TMTC2: variants seen among roughly 807,000 people sequenced by gnomAD.
TMTC2 encodes the protein transmembrane O-mannosyltransferase targeting cadherins 2.
A neutral mutation model predicts 82.4 loss-of-function variants in TMTC2; 43 were observed. The ratio of observed to expected loss-of-function variants is 0.52; its 90% CI spans 0.41 to 0.67. TMTC2 has a LOEUF of 0.67. TMTC2 is among the 30% of genes least tolerant of loss of function. TMTC2 has a pLI of 0.00. For missense variants in TMTC2, 919 were observed against 1,012.4 expected, an observed-to-expected ratio of 0.91 and a Z score of 1.25; for synonymous variants, 408 against 381.9, an observed-to-expected ratio of 1.07 and a Z score of -0.80.
chr12:82,852,616 G>C (rs562927706), intron 1 of TMTC2, among the ~76,000 whole-genome samples: 2 of 152,204 alleles, frequency 1.3e-5, no homozygotes, highest in South Asian at 4.1e-4. Flanking sequence ...ATGAAATTTT[G>C]TTTTGAGTCA....
At chr12:83,093,761 G>C (rs915756432) in intron 11 of TMTC2, among the ~76,000 whole-genome samples, 6 of 152,160 alleles carry the variant, frequency 3.9e-5, no homozygotes, top group African/African-American at 1.4e-4. Context: ...CAAAGATGAA[G>C]ATGAATTTTT....
chr12:82,967,028 T>C, intron 7 of TMTC2, 31 bp downstream of exon 7: 3 of 1,538,012 alleles, frequency 2.0e-6, no homozygotes, highest in Non-Finnish European at 2.7e-6. Context: ...TTTAAATTGA[T>C]ATTTCAGGGA....
At chr12:82,868,520 C>CTT (rs1359276437) in intron 2 of TMTC2, among the ~76,000 whole-genome samples, 5 of 152,110 alleles carry the variant, frequency 3.3e-5, no homozygotes, top group African/African-American at 1.2e-4. Flanking sequence ...AGCCTGCTTT[C>CTT]TTTTCCCCTT....
intron 11 of TMTC2, among the ~76,000 whole-genome samples, chr12:83,064,145 A>C (rs1565874594): frequency 6.6e-6 from 1 of 151,820 alleles, no homozygotes; most frequent in Admixed American, 6.6e-5. Context: ...ATTTTTGGTC[A>C]AGTGGTTGGT....
intron 4 of TMTC2, 93 bp downstream of exon 4, chr12:82,930,638 A>C: frequency 1.4e-6 from 1 of 711,748 alleles, no homozygotes; most frequent in South Asian, 2.1e-5. Context: ...AGATGATGAT[A>C]GCTATTGTCC....
intron 3 of TMTC2, among the ~76,000 whole-genome samples, chr12:82,911,963 C>T (rs942797405): frequency 6.6e-6 from 1 of 152,162 alleles, no homozygotes; most frequent in Non-Finnish European, 1.5e-5. Context: ...ACAACAAAAA[C>T]ATCATCTTGA....
intron 4 of TMTC2, among the ~76,000 whole-genome samples, chr12:82,933,662 A>G (rs1876163532): frequency 6.6e-6 from 1 of 152,208 alleles, no homozygotes; most frequent in Non-Finnish European, 1.5e-5. Context: ...GAACAAACCT[A>G]GTTGTATTAA....
intron 10 of TMTC2, among the ~76,000 whole-genome samples, chr12:83,053,597 A>G (rs920069800): frequency 4.6e-5 from 7 of 152,034 alleles, no homozygotes; most frequent in African/African-American, 1.7e-4. Context: ...AAGAAGTGAG[A>G]TCCTGAGGCC....
intron 1 of TMTC2, among the ~76,000 whole-genome samples, chr12:82,761,579 A>G (rs1459544536): frequency 6.6e-6 from 1 of 152,206 alleles, no homozygotes; most frequent in Non-Finnish European, 1.5e-5. Context: ...TCTCTTAGCC[A>G]CTGCCTACTA....
At chr12:82,826,318 T>C (rs888680145) in intron 1 of TMTC2, among the ~76,000 whole-genome samples, 3 of 152,160 alleles carry the variant, frequency 2.0e-5, no homozygotes, top group African/African-American at 7.2e-5. Flanking sequence ...CATACTGATG[T>C]GTGGTGTTCC....
At chr12:82,868,019 G>A (rs1871956280) in intron 2 of TMTC2, among the ~76,000 whole-genome samples, 1 of 152,060 alleles carries the variant, frequency 6.6e-6, no homozygotes, top group African/African-American at 2.4e-5. Context: ...GTGACCTTGG[G>A]GAAATTTCTA....
At position 82,947,555 on chromosome 12, in the gene TMTC2, C is replaced by T. The variant is rs548972619; in HGVS notation, c.1598+17010C>T. On this transcript the variant is annotated intron_variant, in intron 4 of 11. Transcript: ENST00000321196. ...GACGGGGTTTCACCGTGGTCTCGAT[C>T]TCCTGACCTGGTGATCCGCCTGCCT... Among the ~76,000 whole-genome samples the T allele has an allele frequency of 1.0e-3, 150 of 147,026 alleles. 1 individual carries two copies. Among genetic ancestry groups the T allele is most frequent in the South Asian group, 3.1e-3 (15 of 4,804 alleles).
chr12:82,784,471 A>G (rs752382620), intron 1 of TMTC2, among the ~76,000 whole-genome samples: 3 of 152,096 alleles, frequency 2.0e-5, no homozygotes, highest in Non-Finnish European at 2.9e-5. Flanking sequence ...ACGGCCTGAT[A>G]CATCGGTGTT....
chr12:82,808,500 G>A (rs963868866), intron 1 of TMTC2, among the ~76,000 whole-genome samples: 3 of 151,968 alleles, frequency 2.0e-5, no homozygotes, highest in Non-Finnish European at 4.4e-5. Flanking sequence ...CTGTCAGTTC[G>A]TAGATATGGA....
At chr12:83,057,582 T>C (rs1481452198) in intron 10 of TMTC2, among the ~76,000 whole-genome samples, 3 of 151,946 alleles carry the variant, frequency 2.0e-5, no homozygotes, top group Non-Finnish European at 4.4e-5. Context: ...TCCTACTGTA[T>C]AACATATCAA....
chr12:82,981,896 G>T (rs1450267586), intron 7 of TMTC2, among the ~76,000 whole-genome samples: 1 of 151,544 alleles, frequency 6.6e-6, no homozygotes, highest in African/African-American at 2.4e-5. Context: ...ACTTTTTCCA[G>T]TTATTAAATG....
intron 7 of TMTC2, among the ~76,000 whole-genome samples, chr12:82,973,666 A>G (rs968649209): frequency 2.0e-5 from 3 of 152,218 alleles, no homozygotes; most frequent in African/African-American, 7.2e-5. Context: ...TAGTCTATAC[A>G]CTACAAAGGC....
rs1872452930 is a variant in TMTC2 at position 82,875,772 on chromosome 12, G to C, written c.654+18192G>C. On this transcript the variant is annotated intron_variant, in intron 2 of 11. Transcript: ENST00000321196. ...CTTCAGTTGAAATTTAGCTTGTGGT[G>C]TTAGGGCACTTGATTTTTTTTAATC... Among the ~76,000 whole-genome samples, 5 of 151,868 alleles carry C rather than the reference G, an allele frequency of 3.3e-5. No homozygotes were observed. In the South Asian group the frequency reaches 1.0e-3, roughly 31 times the overall value.
At chr12:82,709,864 C>T (rs1873542903) in intron 1 of TMTC2, among the ~76,000 whole-genome samples, 1 of 152,000 alleles carries the variant, frequency 6.6e-6, no homozygotes, top group Non-Finnish European at 1.5e-5. Context: ...TGCCACAAGC[C>T]AAAGAAGAAA....
Sources: gnomAD v4.1 joint callset for allele counts (sites outside exome capture counted in the v4.1 genomes callset) on GRCh38, gnomAD v4.1.1 for gene constraint, MANE v1.5 for transcripts, NCBI Gene and HGNC (gene_info 2026-07-23, HGNC 2026-07-21) for gene names.